The following SARM1 variants were observed in gnomAD, a reference collection of about 807,000 sequenced individuals.
SARM1 encodes the protein NAD(+) hydrolase SARM1.
In SARM1, 60 loss-of-function variants were observed where a neutral mutation model predicts 65.1. The ratio of observed to expected loss-of-function variants is 0.92; its 90% CI spans 0.75 to 1.14. The LOEUF (loss-of-function observed/expected upper bound fraction) is 1.14. SARM1 is among the 50% of genes most tolerant of loss of function. The pLI is 0.00. For synonymous variants in SARM1, 417 were observed against 465.4 expected, an observed-to-expected ratio of 0.90 and a Z score of 1.34; for missense variants, 913 against 1,015.7, an observed-to-expected ratio of 0.90 and a Z score of 1.37.
At chr17:28,380,083 T>G (rs1221731467) in intron 1 of SARM1, among the ~76,000 whole-genome samples, 1 of 144,086 alleles carries the variant, frequency 6.9e-6, no homozygotes, top group Admixed American at 7.0e-5. Flanking sequence ...TGTCTCTCTC[T>G]CTCTTTTTTT....
chr17:28,393,553 G>GC (rs1240709265), intron 7 of SARM1, among the ~76,000 whole-genome samples: 4 of 150,128 alleles, frequency 2.7e-5, no homozygotes, highest in African/African-American at 4.9e-5. Context: ...CTGTTCCCCT[G>GC]CCCCCCGCCA....
In SARM1 at chr17:28,371,795, C is replaced by G; in HGVS notation, c.-238C>G. On this transcript the variant is annotated 5_prime_UTR_variant, in exon 1 of 9. Coordinates refer to ENST00000585482, the MANE Select transcript of SARM1 (RefSeq NM_015077.4). ...GAGCCATCCCTCGCCTGCTCGCTCT[C>G]TCCTTTCGCCCACTCCCTGCATCTG... The G allele has an allele frequency of 2.5e-6, 1 of 407,346 alleles. No homozygotes were observed. Among genetic ancestry groups the G allele is most frequent in the Non-Finnish European group, 4.4e-6 (1 of 229,248 alleles). The allele number at this position is 407,346 out of a possible 1,614,324, so 25.2% of individuals were successfully genotyped here.
At position 28,381,571 on chromosome 17, in the gene SARM1, A is replaced by G. The variant is rs782411598; in HGVS notation, c.839A>G (p.Asn280Ser). 14 of 1,592,786 alleles carry G rather than the reference A, an allele frequency of 8.8e-6. No individual in the cohort carries two copies. In the South Asian group the frequency reaches 1.6e-4, roughly 18 times the overall value. Reference protein sequence around the residue: ...ACLAVAVLATNKEVEREVERS... With the variant: ...ACLAVAVLATSKEVEREVERS... ...CTCGCAGTAGCGGTGTTGGCGACTA[A>G]CAAGGAGGTGGAGCGCGAGGTGGAG... The change falls in exon 2 of 9, where the codon AAC (asparagine) becomes AGC (serine). Residue 280 changes from asparagine to serine, a missense_variant. By Grantham distance (46) the Asn-to-Ser change is conservative. Around this residue, in one of 3 missense-constraint regions of SARM1, gnomAD observed 862 missense variants for 952.1 expected, o/e 0.91. Transcript: ENST00000585482.
At chr17:28,374,580 G>A (rs2067978576) in intron 1 of SARM1, among the ~76,000 whole-genome samples, 1 of 152,122 alleles carries the variant, frequency 6.6e-6, no homozygotes, top group East Asian at 1.9e-4. Flanking sequence ...CTTGTAGGCT[G>A]CATGAGAATG....
Position 28,384,935 on chromosome 17 carries a change from G to A in SARM1, c.1394+5G>A. On this transcript the variant is annotated splice_donor_5th_base_variant and intron_variant, in intron 4 of 8. Transcript: ENST00000585482. The surrounding 1 kb of genome is among the most constrained non-coding windows in gnomAD (Gnocchi z 4.4). ...ATCGGGCATCACCCGCAAGAGGTAC[G>A]GAGCCTCCTGCCCGCCGGACCCCAG... is the stretch of plus-strand genomic sequence containing the variant. 6.4e-7 allele frequency: 1 copy of A among 1,570,186 alleles called. No homozygotes were observed. Among genetic ancestry groups the A allele is most frequent in the South Asian group, 1.2e-5 (1 of 85,778 alleles).
intron 7 of SARM1, among the ~76,000 whole-genome samples, chr17:28,393,080 C>A (rs2068089030): frequency 1.3e-5 from 2 of 152,098 alleles, no homozygotes; most frequent in African/African-American, 4.8e-5. Flanking sequence ...CAGAACAACG[C>A]TTTGAGGTAG....
At position 28,385,769 on chromosome 17, in the gene SARM1, T is replaced by A. The variant is rs553188139; in HGVS notation, c.1630+494T>A. ...TGGCCAACAGCTTACAAAATTTGGG[T>A]CTAGAGGTGGTTTAGAGTGAATTCT... is the stretch of plus-strand genomic sequence containing the variant. On this transcript the variant is annotated intron_variant, in intron 5 of 8. Transcript: ENST00000585482. This position sits in a 1 kb window ranked among gnomAD's most constrained non-coding sequence, Gnocchi z 4.5. Among the ~76,000 whole-genome samples, 3 of 152,286 alleles carry A rather than the reference T, an allele frequency of 2.0e-5. No individual in the cohort carries two copies. In the South Asian group the frequency reaches 6.2e-4, roughly 32 times the overall value.
In SARM1 at chr17:28,396,417, CT is replaced by C. The variant is rs2068124715; in HGVS notation, c.*132del. 2 of 1,024,980 alleles carry C rather than the reference CT, an allele frequency of 2.0e-6. No homozygotes were observed. Among genetic ancestry groups the C allele is most frequent in the Non-Finnish European group, 2.9e-6 (2 of 692,662 alleles). 63.5% of individuals were successfully genotyped at this position (1,024,980 alleles called of 1,614,324 possible). On this transcript the variant is annotated 3_prime_UTR_variant, in exon 9 of 9. Coordinates refer to ENST00000585482, the MANE Select transcript of SARM1 (RefSeq NM_015077.4). The stretch of plus-strand genomic sequence containing the variant: ...TCTTAGGAAATGGCTCTCCCTCCCC[CT>C]GTCCCCCACCCTCATGGCCCACCTC...
In SARM1 at chr17:28,388,408, C is replaced by T; in HGVS notation, c.1792C>T (p.Leu598=). 2 of 1,613,994 alleles carry T rather than the reference C, an allele frequency of 1.2e-6. No individual in the cohort carries two copies. The highest frequency in any genetic ancestry group is 1.7e-6 in the Non-Finnish European group (2 of 1,179,894). Residue 598 remains leucine, a synonymous_variant, in exon 7 of 9, where the codon CTG becomes TTG. Transcript: ENST00000585482. ...GFSVFIDVEK[L]EAGKFEDKLI... ...CAGTGTCTTCATTGATGTGGAGAAG[C>T]TGGAAGCAGGCAAGTTCGAGGACAA...
At position 28,372,362 on chromosome 17, in the gene SARM1, C is replaced by T. The variant is rs889888463; in HGVS notation, c.330C>T (p.Arg110=). The change falls in exon 1 of 9, where the codon CGC becomes CGT. Residue 110 remains arginine (R), a synonymous_variant. Transcript: ENST00000585482. The surrounding 1 kb of genome is among the most constrained non-coding windows in gnomAD (Gnocchi z 5.2). ...EEAWLLPAVG[R]EVAQGLCDAI... ...CCTGGCTGCTGCCGGCCGTGGGCCG[C>T]GAGGTAGCCCAGGGTCTGTGCGACG... 4.6e-6 allele frequency: 7 copies of T among 1,505,610 alleles called. No individual in the cohort carries two copies. Among genetic ancestry groups the T allele is most frequent in the Non-Finnish European group, 6.2e-6 (7 of 1,133,362 alleles). 93.3% of individuals were successfully genotyped at this position (1,505,610 alleles called of 1,614,324 possible).
Position 28,381,709 on chromosome 17 carries a change from A to C in SARM1, c.977A>C (p.Asp326Ala), listed in dbSNP as rs1555585320. Residue 326 changes from aspartate (D) to alanine (A), a missense_variant, in exon 2 of 9, where the codon GAC becomes GCC. Asp to Ala is a moderately radical substitution (Grantham distance 126). Around this residue, in one of 3 missense-constraint regions of SARM1, gnomAD observed 862 missense variants for 952.1 expected, o/e 0.91. Transcript: ENST00000585482. ...SDTSQGRGPDDLQRLVPLLDS... is the reference protein window; with the variant it reads ...SDTSQGRGPDALQRLVPLLDS... ...ACAAGCCAGGGCCGCGGGCCCGACGACCTGCAGCGCCTCGTGCCGTTGCTC... is the reference window on the plus strand; with the variant it reads ...ACAAGCCAGGGCCGCGGGCCCGACGCCCTGCAGCGCCTCGTGCCGTTGCTC... The C allele has an allele frequency of 6.4e-7, 1 of 1,558,320 alleles. No homozygotes were observed. The highest frequency in any genetic ancestry group is 8.7e-7 in the Non-Finnish European group (1 of 1,152,250).
At chr17:28,383,585 A>G (rs1314040972) in intron 2 of SARM1, among the ~76,000 whole-genome samples, 4 of 152,170 alleles carry the variant, frequency 2.6e-5, no homozygotes, top group Non-Finnish European at 4.4e-5. Flanking sequence ...CTGGGCCGCA[A>G]CCATGATCAC....
In SARM1 at chr17:28,372,332, G is replaced by C; in HGVS notation, c.300G>C (p.Glu100Asp). The C allele has an allele frequency of 6.7e-7, 1 of 1,482,984 alleles. No homozygotes were observed. The highest frequency in any genetic ancestry group is 8.9e-7 in the Non-Finnish European group (1 of 1,123,428). The allele number at this position is 1,482,984 out of a possible 1,614,324, so 91.9% of individuals were successfully genotyped here. ...TGGCCGAGGTCTTCCAACTGGTGGA[G>C]GAGGCCTGGCTGCTGCCGGCCGTGG... ...AGLAEVFQLVEEAWLLPAVGR... is the reference protein window; with the variant it reads ...AGLAEVFQLVDEAWLLPAVGR... The change falls in exon 1 of 9, where the codon GAG becomes GAC. Residue 100 changes from glutamate (E) to aspartate (D), a missense_variant. By Grantham distance (45) the Glu-to-Asp change is conservative (BLOSUM62 2). Around this residue, in one of 3 missense-constraint regions of SARM1, gnomAD observed 862 missense variants for 952.1 expected, o/e 0.91. Transcript: ENST00000585482. The surrounding 1 kb of genome is among the most constrained non-coding windows in gnomAD (Gnocchi z 5.2).
rs2068208708 is a variant in SARM1 at position 28,402,411 on chromosome 17, G to A, written c.*6125G>A. On this transcript the variant is annotated 3_prime_UTR_variant, in exon 9 of 9. Transcript: ENST00000585482. ...AGCAGAGCTCCTATCCATACCCCAC[G>A]TGGGGCTTAGGTTAGACCCAGGAAG... The A allele has an allele frequency of 3.8e-6, 4 of 1,055,406 alleles. No individual in the cohort carries two copies. The highest frequency in any genetic ancestry group is 2.8e-5 in the South Asian group (2 of 71,664). The allele number at this position is 1,055,406 out of a possible 1,614,324, so 65.4% of individuals were successfully genotyped here. A position where few individuals can be genotyped will look rare whatever the true frequency, so the allele number is the denominator to read the frequency against.
chr17:28,377,172 G>A (rs2067996635), intron 1 of SARM1, among the ~76,000 whole-genome samples: 1 of 152,208 alleles, frequency 6.6e-6, no homozygotes, highest in East Asian at 1.9e-4. Context: ...CAAAATGAAG[G>A]TGAAGGATCT....
chr17:28,381,606 AC>A lies in SARM1; in HGVS notation c.875del (p.Thr292SerfsTer83). 3.2e-6 allele frequency: 5 copies of A among 1,584,578 alleles called. No individual in the cohort carries two copies. The highest frequency in any genetic ancestry group is 1.7e-4 in the Middle Eastern group (1 of 6,012). On this transcript the variant is annotated frameshift_variant, in exon 2 of 9. Transcript: ENST00000585482. LOFTEE classifies it high-confidence loss of function. ...EVEREVERSG[T>X]LALVEPLVAS... Reference sequence around the variant, plus strand: ...GGAGCGCGAGGTGGAGCGCTCGGGCACGCTGGCGCTCGTGGAGCCGCTTGTG... The same window carrying A: ...GGAGCGCGAGGTGGAGCGCTCGGGCAGCTGGCGCTCGTGGAGCCGCTTGTG...
chr17:28,383,792 T>C (rs1279523051), intron 2 of SARM1, among the ~76,000 whole-genome samples: 5 of 152,130 alleles, frequency 3.3e-5, no homozygotes, highest in African/African-American at 1.2e-4. Flanking sequence ...AAGACCTCAT[T>C]GGAGGTGTGG....
At chr17:28,373,347 C>T (rs1555584282) in intron 1 of SARM1, 1 of 152,276 alleles carries the variant, frequency 6.6e-6, no homozygotes, top group Non-Finnish European at 1.5e-5. Context: ...ACCAAGCTGT[C>T]ACACTCCAGT....
rs2068124015 is a variant in SARM1, at chr17:28,396,381, A to G, written c.*95A>G. ...AAACCAGTCTCCCTGGGCTGAGACA[A>G]CCTGGGCTCTTCTTAGGAAATGGCT... On this transcript the variant is annotated 3_prime_UTR_variant, in exon 9 of 9. Coordinates refer to ENST00000585482, the MANE Select transcript of SARM1 (RefSeq NM_015077.4). 1 of 1,480,662 alleles carries G rather than the reference A, an allele frequency of 6.8e-7. No homozygotes were observed. The allele number at this position is 1,480,662 out of a possible 1,614,324, so 91.7% of individuals were successfully genotyped here. A position where few individuals can be genotyped will look rare whatever the true frequency, so the allele number is the denominator to read the frequency against.
Sources: gnomAD v4.1 joint callset for allele counts (sites outside exome capture counted in the v4.1 genomes callset) on GRCh38, gnomAD v4.1.1 for gene constraint, gnomAD v4.1.1 regional missense constraint, Gnocchi (gnomAD v3.1) non-coding constraint, MANE v1.5 for transcripts, NCBI Gene and HGNC (gene_info 2026-07-23, HGNC 2026-07-21) for gene names.